Variants in STXBP5 observed in about 807,000 individuals in gnomAD.
STXBP5 encodes syntaxin-binding protein 5.
In STXBP5, 50 loss-of-function variants were observed where a neutral mutation model predicts 152.4. That is an observed-to-expected ratio of 0.33 (90% CI 0.26 to 0.42). The LOEUF is 0.42. STXBP5 is among the 10% of genes least tolerant of loss of function. The pLI is 1.00. For missense variants in STXBP5, 1,167 were observed against 1,388.6 expected, an observed-to-expected ratio of 0.84 and a Z score of 2.54; for synonymous variants, 492 against 494.7, an observed-to-expected ratio of 0.99 and a Z score of 0.07.
chr6:147,336,067 G>A (rs1783812726), intron 19 of STXBP5, among the ~76,000 whole-genome samples: 1 of 152,098 alleles, frequency 6.6e-6, no homozygotes, highest in African/African-American at 2.4e-5. Flanking sequence ...CCTTTGTTTA[G>A]GCTTTGATTA....
intron 26 of STXBP5, among the ~76,000 whole-genome samples, chr6:147,380,209 C>CACACAA (rs1554221968): frequency 7.1e-6 from 1 of 140,368 alleles, no homozygotes; most frequent in African/African-American, 2.6e-5. Context: ...CACACACACA[C>CACACAA]AAATATTGAA....
At chr6:147,225,982 T>C (rs563659450) in intron 2 of STXBP5, among the ~76,000 whole-genome samples, 2 of 152,284 alleles carry the variant, frequency 1.3e-5, no homozygotes, top group African/African-American at 4.8e-5. Flanking sequence ...GTATACTTTT[T>C]ATTGGTTTTC....
intron 9 of STXBP5, among the ~76,000 whole-genome samples, chr6:147,297,707 A>C (rs887528721): frequency 3.9e-5 from 6 of 152,148 alleles, no homozygotes; most frequent in African/African-American, 1.2e-4. Context: ...CTTTGTTGAG[A>C]GAAGGGTTGA....
intron 2 of STXBP5, among the ~76,000 whole-genome samples, chr6:147,227,206 A>G (rs1043293715): frequency 2.0e-5 from 3 of 152,160 alleles, no homozygotes; most frequent in Admixed American, 2.0e-4. Flanking sequence ...ACATAATGAA[A>G]TAAACCCACT....
At chr6:147,361,050 G>A (rs1197227593) in intron 23 of STXBP5, among the ~76,000 whole-genome samples, 1 of 152,204 alleles carries the variant, frequency 6.6e-6, no homozygotes, top group South Asian at 2.1e-4. Context: ...AAGGAAAACA[G>A]GTTACATAAT....
chr6:147,256,853 G>A (rs924582306), intron 4 of STXBP5, among the ~76,000 whole-genome samples: 1 of 152,130 alleles, frequency 6.6e-6, no homozygotes, highest in African/African-American at 2.4e-5. Context: ...GAATATAAAT[G>A]TGATGACATT....
At chr6:147,229,814 G>A (rs1174961001) in intron 2 of STXBP5, among the ~76,000 whole-genome samples, 2 of 151,660 alleles carry the variant, frequency 1.3e-5, no homozygotes, top group African/African-American at 4.8e-5. Context: ...AATAAAGATA[G>A]TTCTACTTTT....
intron 25 of STXBP5, among the ~76,000 whole-genome samples, chr6:147,367,772 A>G (rs1401113858): frequency 2.0e-5 from 3 of 152,208 alleles, no homozygotes; most frequent in African/African-American, 4.8e-5. Flanking sequence ...AATAAAATTA[A>G]TCTCAAGCCA....
chr6:147,300,875 G>C (rs1781775493), intron 9 of STXBP5, among the ~76,000 whole-genome samples: 4 of 151,666 alleles, frequency 2.6e-5, no homozygotes, highest in African/African-American at 4.8e-5. Context: ...ACAGTCTACA[G>C]AATGAGAGAA....
chr6:147,369,389 C>A (rs147240234), intron 25 of STXBP5, among the ~76,000 whole-genome samples: 4,936 of 152,038 alleles, frequency 0.032, 76 homozygotes, highest in Middle Eastern at 0.051. Flanking sequence ...CTTAAGAAAA[C>A]ATCTGTTACC....
chr6:147,285,251 G>A (rs1228900871), intron 8 of STXBP5, among the ~76,000 whole-genome samples: 1 of 152,096 alleles, frequency 6.6e-6, no homozygotes, highest in East Asian at 1.9e-4. Flanking sequence ...TTGTTCCTCT[G>A]GTGGCATAGC....
rs184877888 is a variant in STXBP5 at position 147,236,757 on chromosome 6, G to C, written c.330+1426G>C. Among the ~76,000 whole-genome samples, 56 of 151,134 alleles carry C rather than the reference G, an allele frequency of 3.7e-4. 1 individual carries two copies. In the South Asian group the frequency reaches 8.6e-3, roughly 23 times the overall value. ...AACTCCTGCTCACCCTCAGTCCCTG[G>C]CAACTATTAACCTGTTCTGTCTTTT... On this transcript the variant is annotated intron_variant, in intron 3 of 27. Transcript: ENST00000321680.
chr6:147,334,939 A>G (rs1783754355), intron 19 of STXBP5, among the ~76,000 whole-genome samples: 1 of 152,116 alleles, frequency 6.6e-6, no homozygotes, highest in Non-Finnish European at 1.5e-5. Flanking sequence ...TAGCTGGTAT[A>G]CTACATCAGA....
chr6:147,364,343 C>T (rs1401722165), intron 25 of STXBP5, among the ~76,000 whole-genome samples, 177 bp downstream of exon 25: 3 of 152,170 alleles, frequency 2.0e-5, no homozygotes, highest in Non-Finnish European at 4.4e-5. Flanking sequence ...TTAAAAGTAT[C>T]ATCTTCAGAC....
At chr6:147,304,811 C>G (rs1457397006) in intron 9 of STXBP5, among the ~76,000 whole-genome samples, 1 of 152,084 alleles carries the variant, frequency 6.6e-6, no homozygotes, top group Non-Finnish European at 1.5e-5. Context: ...AATGATGGCC[C>G]TTTTGGATTT....
At chr6:147,309,192 C>T (rs957913128) in intron 9 of STXBP5, among the ~76,000 whole-genome samples, 3 of 152,038 alleles carry the variant, frequency 2.0e-5, no homozygotes, top group Non-Finnish European at 4.4e-5. Flanking sequence ...AAGGAAGTAA[C>T]ATCATGAATA....
intron 2 of STXBP5, among the ~76,000 whole-genome samples, chr6:147,213,405 C>T (rs1776963177): frequency 6.7e-6 from 1 of 148,284 alleles, no homozygotes. Context: ...AGATGTGAGC[C>T]ACCTCACCTG....
intron 21 of STXBP5, among the ~76,000 whole-genome samples, chr6:147,352,122 C>G (rs1412991710): frequency 2.0e-5 from 3 of 152,132 alleles, no homozygotes. Context: ...TAAGTTTATA[C>G]ATTCATTCTT....
chr6:147,314,555 T>C, intron 13 of STXBP5, 41 bp from the exon 14 acceptor site: 1 of 1,593,926 alleles, frequency 6.3e-7, no homozygotes, highest in Non-Finnish European at 8.5e-7. Context: ...AAGGAAGAAC[T>C]GTAATTTTAT....
Sources: gnomAD v4.1 joint callset for allele counts (sites outside exome capture counted in the v4.1 genomes callset) on GRCh38, gnomAD v4.1.1 for gene constraint, MANE v1.5 for transcripts, NCBI Gene and HGNC (gene_info 2026-07-23, HGNC 2026-07-21) for gene names.